CDYL2: variants seen among roughly 807,000 people sequenced by gnomAD.
CDYL2 encodes the protein chromodomain Y like 2, also known as chromodomain Y-like protein 2.
Under a neutral mutation model 49.4 loss-of-function variants are expected in CDYL2, and 23 were observed. The observed-to-expected ratio is 0.47, with a 90% CI of 0.34 to 0.66. CDYL2 has a LOEUF of 0.66. CDYL2 is among the 30% of genes least tolerant of loss of function. The pLI is 0.01. For synonymous variants in CDYL2, 360 were observed against 268.8 expected (o/e 1.34, Z -3.32); for missense variants, 678 against 656.4 (o/e 1.03, Z -0.36).
chr16:80,718,580 C>G (rs1214971355), intron 1 of CDYL2, among the ~76,000 whole-genome samples: 1 of 152,168 alleles, frequency 6.6e-6, no homozygotes, highest in Non-Finnish European at 1.5e-5. Flanking sequence ...ACAAGGCAAG[C>G]TGGATGGCAG....
intron 1 of CDYL2, among the ~76,000 whole-genome samples, chr16:80,696,698 A>G (rs1261885994): frequency 6.6e-6 from 1 of 151,992 alleles, no homozygotes; most frequent in African/African-American, 2.4e-5. Context: ...CCAATTAACA[A>G]GTAACAAGAT....
At chr16:80,760,479 G>C (rs1328973508) in intron 1 of CDYL2, among the ~76,000 whole-genome samples, 1 of 152,154 alleles carries the variant, frequency 6.6e-6, no homozygotes, top group Non-Finnish European at 1.5e-5. Flanking sequence ...AAATAACTAA[G>C]AGTGTCAATG....
chr16:80,777,369 A>G (rs751248813), intron 1 of CDYL2, among the ~76,000 whole-genome samples: 13 of 152,138 alleles, frequency 8.5e-5, no homozygotes, highest in Non-Finnish European at 1.6e-4. Flanking sequence ...AATGAATGAT[A>G]AGTCAGAGAA....
intron 1 of CDYL2, among the ~76,000 whole-genome samples, chr16:80,756,896 A>G (rs901258856): frequency 5.3e-5 from 8 of 152,004 alleles, no homozygotes; most frequent in Admixed American, 1.3e-4. Flanking sequence ...TTAATTTTTC[A>G]AAGGCATCTG....
intron 1 of CDYL2, among the ~76,000 whole-genome samples, chr16:80,743,619 T>A (rs1206768083): frequency 2.6e-5 from 4 of 152,240 alleles, no homozygotes; most frequent in Non-Finnish European, 5.9e-5. Context: ...AGCTCTATCT[T>A]AATTTGTTGT....
chr16:80,631,132 G>A (rs1304542773), intron 3 of CDYL2, among the ~76,000 whole-genome samples: 2 of 152,194 alleles, frequency 1.3e-5, no homozygotes, highest in Non-Finnish European at 2.9e-5. Flanking sequence ...TGCCCTCCTG[G>A]CACCTACTTG....
At chr16:80,783,538 G>GCA (rs1435301121) in intron 1 of CDYL2, among the ~76,000 whole-genome samples, 1 of 152,080 alleles carries the variant, frequency 6.6e-6, no homozygotes, top group East Asian at 1.9e-4. Context: ...AACAGATACT[G>GCA]GTAAGCCAAT....
intron 2 of CDYL2, among the ~76,000 whole-genome samples, chr16:80,666,526 C>G (rs530680015): frequency 6.6e-6 from 1 of 152,028 alleles, no homozygotes; most frequent in Admixed American, 6.6e-5. Flanking sequence ...ACTGTGGCTT[C>G]GTGAATATAA....
chr16:80,772,442 G>C (rs948885380), intron 1 of CDYL2, among the ~76,000 whole-genome samples: 15 of 152,292 alleles, frequency 9.8e-5, no homozygotes, highest in East Asian at 7.7e-4. Flanking sequence ...TCTGGGAATA[G>C]TGCAAATTGC....
At chr16:80,732,912 A>C (rs773639868) in intron 1 of CDYL2, among the ~76,000 whole-genome samples, 2 of 152,200 alleles carry the variant, frequency 1.3e-5, no homozygotes, top group South Asian at 2.1e-4. Context: ...ACACACACAT[A>C]AACACACATC....
chr16:80,775,396 G>A (rs575562493), intron 1 of CDYL2, among the ~76,000 whole-genome samples: 9 of 151,884 alleles, frequency 5.9e-5, no homozygotes, highest in African/African-American at 1.9e-4. Context: ...TAAAAGTTAC[G>A]GGAAGGGGAC....
At chr16:80,651,720 C>A (rs1908591785) in intron 2 of CDYL2, among the ~76,000 whole-genome samples, 1 of 152,132 alleles carries the variant, frequency 6.6e-6, no homozygotes, top group Non-Finnish European at 1.5e-5. Flanking sequence ...ATGGTGCCGA[C>A]ATAAATAACT....
chr16:80,684,479 G>A (rs1910095232), intron 2 of CDYL2, 59 bp downstream of exon 2: 3 of 1,512,376 alleles, frequency 2.0e-6, no homozygotes, highest in African/African-American at 2.8e-5. Flanking sequence ...TAGGCTACAG[G>A]CAGAGCTCCC....
At chr16:80,668,194 C>T (rs368482447) in intron 2 of CDYL2, among the ~76,000 whole-genome samples, 1 of 152,222 alleles carries the variant, frequency 6.6e-6, no homozygotes, top group South Asian at 2.1e-4. Flanking sequence ...CCGTTCCACA[C>T]GTCCTGACTC....
At chr16:80,773,581 A>C (rs1224760124) in intron 1 of CDYL2, among the ~76,000 whole-genome samples, 1 of 152,310 alleles carries the variant, frequency 6.6e-6, no homozygotes, top group African/African-American at 2.4e-5. Flanking sequence ...CAATTCTGAT[A>C]CATCTTAAAG....
At chr16:80,653,567 G>T (rs1025856655) in intron 2 of CDYL2, among the ~76,000 whole-genome samples, 2 of 152,034 alleles carry the variant, frequency 1.3e-5, no homozygotes, top group Admixed American at 6.5e-5. Context: ...TTTAACTTTT[G>T]TGAGTACATA....
intron 2 of CDYL2, among the ~76,000 whole-genome samples, chr16:80,661,803 CA>C (rs1298297807): frequency 6.6e-6 from 1 of 152,168 alleles, no homozygotes; most frequent in African/African-American, 2.4e-5. Context: ...TATCATCATC[CA>C]TACACCTGCT....
intron 1 of CDYL2, among the ~76,000 whole-genome samples, chr16:80,747,206 C>A (rs1905961713): frequency 6.6e-6 from 1 of 152,006 alleles, no homozygotes; most frequent in African/African-American, 2.4e-5. Flanking sequence ...AGGGAAAGGC[C>A]CACCACCTGT....
chr16:80,799,902 G>A (rs973302769), intron 1 of CDYL2, among the ~76,000 whole-genome samples: 3 of 152,130 alleles, frequency 2.0e-5, no homozygotes, highest in Non-Finnish European at 4.4e-5. Flanking sequence ...TCAAATACTG[G>A]TACAGAGATT....
Sources: gnomAD v4.1 joint callset for allele counts (sites outside exome capture counted in the v4.1 genomes callset) on GRCh38, gnomAD v4.1.1 for gene constraint, MANE v1.5 for transcripts, NCBI Gene and HGNC (gene_info 2026-07-23, HGNC 2026-07-21) for gene names.